Variants in KANK1 observed in about 807,000 individuals in gnomAD.
KANK1 encodes KN motif and ankyrin repeat domain-containing protein 1.
Under a neutral mutation model 106.2 loss-of-function variants are expected in KANK1, and 109 were observed. The observed-to-expected ratio is 1.03, with a 90% confidence interval of 0.88 to 1.20. The LOEUF (loss-of-function observed/expected upper bound fraction) is 1.20. KANK1 is among the 50% of genes most tolerant of loss of function. KANK1 has a pLI of 0.00. For missense variants in KANK1, 2,399 were observed against 1,710.7 expected, an observed-to-expected ratio of 1.40 and a Z score of -7.10; for synonymous variants, 873 against 652.2, an observed-to-expected ratio of 1.34 and a Z score of -5.16.
chr9:572,889 T>G (rs1400290241), intron 1 of KANK1, among the ~76,000 whole-genome samples: 1 of 152,234 alleles, frequency 6.6e-6, no homozygotes, highest in Non-Finnish European at 1.5e-5. Flanking sequence ...AAAGGTAAGA[T>G]TGGATCAAGT....
At chr9:612,997 C>T (rs962482540) in intron 1 of KANK1, among the ~76,000 whole-genome samples, 2 of 151,818 alleles carry the variant, frequency 1.3e-5, no homozygotes, top group African/African-American at 4.8e-5. Flanking sequence ...TTATATGTAC[C>T]AAATTAAAGG....
chr9:623,547 T>C (rs904923624), intron 1 of KANK1, among the ~76,000 whole-genome samples: 2 of 151,264 alleles, frequency 1.3e-5, no homozygotes, highest in African/African-American at 4.9e-5. Flanking sequence ...CGAGACTGCA[T>C]TGAGCCAAGA....
intron 1 of KANK1, among the ~76,000 whole-genome samples, chr9:587,997 C>T (rs757794919): frequency 6.6e-6 from 1 of 151,518 alleles, no homozygotes; most frequent in Non-Finnish European, 1.5e-5. Flanking sequence ...ACCTGGGAGG[C>T]AGAGGTTGCA....
In KANK1 at chr9:725,977, A is replaced by G. The variant is rs112645012; in HGVS notation, c.2699-4074A>G. Among the ~76,000 whole-genome samples the G allele has an allele frequency of 4.2e-3, 646 of 152,310 alleles. 4 individuals carry two copies. Among genetic ancestry groups the G allele is most frequent in the African/African-American group, 0.015 (618 of 41,570 alleles). ...ATAATTTAGGAAATACTAGAGACAA[A>G]AAGAAAAAAGTTATAGTAGCCTGTG... On this transcript the variant is annotated intron_variant, in intron 3 of 11. Coordinates refer to ENST00000382297, the MANE Select transcript of KANK1 (RefSeq NM_015158.5).
At chr9:729,963 A>G (rs1831753063) in intron 3 of KANK1, 88 bp from the exon 4 acceptor site, 6 of 1,151,540 alleles carry the variant, frequency 5.2e-6, no homozygotes, top group Middle Eastern at 5.6e-4. Flanking sequence ...GTCCCATTTT[A>G]AATTATGAGT....
intron 1 of KANK1, among the ~76,000 whole-genome samples, chr9:545,712 C>T (rs2060884684): frequency 6.8e-6 from 1 of 146,142 alleles, no homozygotes; most frequent in African/African-American, 2.5e-5. Context: ...GTACTGTTGG[C>T]CTGTACAGAG....
chr9:520,028 G>C (rs189257965), intron 1 of KANK1, among the ~76,000 whole-genome samples: 1 of 151,792 alleles, frequency 6.6e-6, no homozygotes, highest in Non-Finnish European at 1.5e-5. Flanking sequence ...ACATACTTAT[G>C]GCAGAGGGTA....
intron 1 of KANK1, among the ~76,000 whole-genome samples, chr9:551,211 G>A (rs989247659): frequency 6.6e-6 from 1 of 151,364 alleles, no homozygotes; most frequent in African/African-American, 2.4e-5. Flanking sequence ...AATAAAAGTG[G>A]AAAGATGAAG....
chr9:508,870 T>A (rs1414952803), intron 1 of KANK1, among the ~76,000 whole-genome samples: 5 of 152,244 alleles, frequency 3.3e-5, no homozygotes, highest in Admixed American at 3.3e-4. Context: ...AGTACACGTC[T>A]TGATACACAA....
intron 1 of KANK1, among the ~76,000 whole-genome samples, chr9:562,251 A>T (rs1403826680): frequency 6.7e-6 from 1 of 150,164 alleles, no homozygotes; most frequent in Non-Finnish European, 1.5e-5. Flanking sequence ...ACGGGGTTTC[A>T]CCTTGTTAGC....
At chr9:482,611 C>G (rs570394433) in intron 3 of KANK1, among the ~76,000 whole-genome samples, 2 of 152,342 alleles carry the variant, frequency 1.3e-5, no homozygotes, top group Admixed American at 1.3e-4. Flanking sequence ...TCTCCAAAAA[C>G]TGACTACAAT....
At chr9:707,008 G>C in intron 2 of KANK1, 2 of 985,486 alleles carry the variant, frequency 2.0e-6, no homozygotes, top group South Asian at 4.7e-5. Flanking sequence ...TTTTCATTAA[G>C]AAAACAGGGA....
chr9:586,885 T>C (rs528880170), intron 1 of KANK1, among the ~76,000 whole-genome samples: 1 of 152,346 alleles, frequency 6.6e-6, no homozygotes, highest in African/African-American at 2.4e-5. Flanking sequence ...GGAAAGTGGC[T>C]TAACTGTACT....
At chr9:736,306 G>A (rs773161794) in intron 7 of KANK1, among the ~76,000 whole-genome samples, 1 of 152,094 alleles carries the variant, frequency 6.6e-6, no homozygotes, top group Non-Finnish European at 1.5e-5. Flanking sequence ...TTGTTATACT[G>A]TATTGTTTTG....
intron 1 of KANK1, among the ~76,000 whole-genome samples, chr9:673,319 TG>T (rs1774544940): frequency 6.6e-6 from 1 of 151,508 alleles, no homozygotes; most frequent in Admixed American, 6.6e-5. Context: ...AAGTGATTCT[TG>T]TGCCTCAGCC....
intron 1 of KANK1, among the ~76,000 whole-genome samples, chr9:545,642 G>C (rs1345235829): frequency 6.6e-6 from 1 of 151,714 alleles, no homozygotes; most frequent in Non-Finnish European, 1.5e-5. Flanking sequence ...TCATTTTGCT[G>C]GGCTTAGCAA....
intron 2 of KANK1, among the ~76,000 whole-genome samples, chr9:678,340 C>T (rs1332561877): frequency 6.6e-6 from 1 of 152,156 alleles, no homozygotes; most frequent in Non-Finnish European, 1.5e-5. Flanking sequence ...ACTTAATCCT[C>T]ACAATAATCT....
At chr9:734,264 A>T (rs1833134264) in intron 6 of KANK1, 1 of 158,190 alleles carries the variant, frequency 6.3e-6, no homozygotes, top group Non-Finnish European at 1.4e-5. Flanking sequence ...TGCACAGTGG[A>T]CGTAACCCTT....
At chr9:716,596 G>A (rs1277679341) in intron 3 of KANK1, among the ~76,000 whole-genome samples, 3 of 152,152 alleles carry the variant, frequency 2.0e-5, no homozygotes, top group East Asian at 1.9e-4. Flanking sequence ...AGCTCAAAAC[G>A]AAGTATATTA....
Sources: gnomAD v4.1 joint callset for allele counts (sites outside exome capture counted in the v4.1 genomes callset) on GRCh38, gnomAD v4.1.1 for gene constraint, MANE v1.5 for transcripts, NCBI Gene and HGNC (gene_info 2026-07-23, HGNC 2026-07-21) for gene names.